TRPM3: variants seen among roughly 807,000 people sequenced by gnomAD.
The protein encoded by TRPM3 is long transient receptor potential channel 3.
In TRPM3, 77 loss-of-function variants were observed where a neutral mutation model predicts 181.2. The observed-to-expected ratio is 0.42, with a 90% CI of 0.35 to 0.51. The LOEUF (loss-of-function observed/expected upper bound fraction) is 0.51, where lower values mean the gene tolerates loss of function less well. TRPM3 is among the 20% of genes least tolerant of loss of function. TRPM3 has a pLI of 0.01. For missense variants in TRPM3, 1,759 were observed against 2,196.7 expected (o/e 0.80, Z 3.98); for synonymous variants, 745 against 796.4 (o/e 0.94, Z 1.09).
intron 9 of TRPM3, among the ~76,000 whole-genome samples, chr9:70,650,715 G>A (rs537697219): frequency 4.6e-5 from 7 of 151,242 alleles, no homozygotes; most frequent in East Asian, 1.9e-4. Flanking sequence ...ATTTTTGTTC[G>A]CATTTCTATC....
In TRPM3 at chr9:71,042,429, G is replaced by A. The variant is rs527698856; in HGVS notation, c.177+78749C>T. 5.1e-4 allele frequency among the ~76,000 whole-genome samples: 77 copies of A among 151,990 alleles called. 1 individual carries two copies. The highest frequency in any genetic ancestry group is 1.4e-3 in the African/African-American group (60 of 41,524). ...ATTTTGTCTTGTCACCAAAATAGAT[G>A]GCATTTACATGAAGAACGGAATGTA... On this transcript the variant is annotated intron_variant, in intron 1 of 25. Transcript: ENST00000677713.
chr9:71,039,152 C>T (rs564295938), intron 1 of TRPM3, among the ~76,000 whole-genome samples: 165 of 152,266 alleles, frequency 1.1e-3, no homozygotes, highest in African/African-American at 3.9e-3. Flanking sequence ...GTGTGGTCAG[C>T]GTGGTGTATG....
chr9:70,873,716 T>A (rs2095828429), intron 1 of TRPM3, among the ~76,000 whole-genome samples: 1 of 151,976 alleles, frequency 6.6e-6, no homozygotes, highest in East Asian at 1.9e-4. Context: ...TCCTCTTCCC[T>A]ATTTTGGTCA....
intron 5 of TRPM3, among the ~76,000 whole-genome samples, chr9:70,833,834 G>T (rs2094120602): frequency 6.6e-6 from 1 of 152,156 alleles, no homozygotes; most frequent in African/African-American, 2.4e-5. Flanking sequence ...GCAGCAAAAT[G>T]GCATTGTGCT....
At chr9:70,593,715 T>A (rs1317567940) in intron 21 of TRPM3, among the ~76,000 whole-genome samples, 2 of 152,048 alleles carry the variant, frequency 1.3e-5, no homozygotes, top group Non-Finnish European at 2.9e-5. Context: ...AGAGCATTAT[T>A]AGTGAGAACT....
At chr9:71,290,334 A>C (rs529232719) in intron 1 of TRPM3, among the ~76,000 whole-genome samples, 6 of 152,146 alleles carry the variant, frequency 3.9e-5, no homozygotes, top group Non-Finnish European at 7.4e-5. Context: ...AAAGATATTA[A>C]AATTGGCAAA....
chr9:70,984,683 G>A (rs1487764833), intron 1 of TRPM3, among the ~76,000 whole-genome samples: 1 of 152,202 alleles, frequency 6.6e-6, no homozygotes, highest in African/African-American at 2.4e-5. Flanking sequence ...GACAAGGAAT[G>A]CTGTCCCACT....
chr9:71,192,890 T>C (rs1174587921), intron 1 of TRPM3, among the ~76,000 whole-genome samples: 4 of 151,868 alleles, frequency 2.6e-5, no homozygotes. Flanking sequence ...GATGGATATA[T>C]TAACCAGCTT....
rs562674442 is a variant in TRPM3 at position 70,529,412 on chromosome 9, C to T, written c.*6541G>A. 3.9e-5 allele frequency: 6 copies of T among 152,204 alleles called. No homozygotes were observed. The highest frequency in any genetic ancestry group is 3.9e-4 in the East Asian group (2 of 5,176). The allele number at this position is 152,204 out of a possible 1,614,324, so 9.4% of individuals were successfully genotyped here. A position where few individuals can be genotyped will look rare whatever the true frequency, so the allele number is the denominator to read the frequency against. On this transcript the variant is annotated 3_prime_UTR_variant, in exon 26 of 26. Coordinates refer to ENST00000677713, the MANE Select transcript of TRPM3 (RefSeq NM_001366145.2). ...CCCCCATTATAAACTAGGGTTAGAACGTTTACAAATGAGAGTCTAGGTCCT... is the reference window on the plus strand; with the variant it reads ...CCCCCATTATAAACTAGGGTTAGAATGTTTACAAATGAGAGTCTAGGTCCT...
At chr9:71,247,158 A>C (rs2082077573) in intron 1 of TRPM3, among the ~76,000 whole-genome samples, 1 of 152,122 alleles carries the variant, frequency 6.6e-6, no homozygotes, top group African/African-American at 2.4e-5. Flanking sequence ...CCACCTGACC[A>C]GCCTGACCAA....
chr9:70,835,869 C>T (rs2094287105), intron 5 of TRPM3, among the ~76,000 whole-genome samples: 1 of 152,022 alleles, frequency 6.6e-6, no homozygotes, highest in Non-Finnish European at 1.5e-5. Context: ...GTCTAGGGAG[C>T]TAGGTGGCCT....
intron 1 of TRPM3, among the ~76,000 whole-genome samples, chr9:71,129,781 T>C (rs2074261871): frequency 6.6e-6 from 1 of 152,174 alleles, no homozygotes; most frequent in Non-Finnish European, 1.5e-5. Flanking sequence ...GACCCTAACT[T>C]ATCTAACCTA....
rs78039931 is a variant in TRPM3, at chr9:70,594,426, C to T, written c.3049-3221G>A. On this transcript the variant is annotated intron_variant, in intron 21 of 25. Coordinates refer to ENST00000677713, the MANE Select transcript of TRPM3 (RefSeq NM_001366145.2). Reference sequence around the variant, plus strand: ...AAACACAGATATGAAAACCTATTTCCGAGGGGGTATGATGATGACATGTCT... The same window carrying T: ...AAACACAGATATGAAAACCTATTTCTGAGGGGGTATGATGATGACATGTCT... Among the ~76,000 whole-genome samples, 27 of 152,050 alleles carry T rather than the reference C, an allele frequency of 1.8e-4. No individual in the cohort carries two copies. In the East Asian group the frequency reaches 4.1e-3, roughly 23 times the overall value.
At chr9:71,379,292 A>C (rs2092737442) in intron 1 of TRPM3, among the ~76,000 whole-genome samples, 2 of 152,100 alleles carry the variant, frequency 1.3e-5, no homozygotes, top group South Asian at 4.1e-4. Context: ...ACTTGGAACC[A>C]TACTTTAAAT....
chr9:71,059,817 G>T (rs568401123), intron 1 of TRPM3, among the ~76,000 whole-genome samples: 2 of 151,884 alleles, frequency 1.3e-5, no homozygotes, highest in Admixed American at 6.6e-5. Context: ...CAAATTATAC[G>T]AGCCAATCCC....
At chr9:71,371,242 G>T (rs1353897929) in intron 1 of TRPM3, among the ~76,000 whole-genome samples, 2 of 152,106 alleles carry the variant, frequency 1.3e-5, no homozygotes, top group Non-Finnish European at 2.9e-5. Context: ...TATTATTGAA[G>T]GAATACATTT....
chr9:70,997,059 G>T (rs1360498521), intron 1 of TRPM3, among the ~76,000 whole-genome samples: 1 of 152,164 alleles, frequency 6.6e-6, no homozygotes, highest in African/African-American at 2.4e-5. Flanking sequence ...TTTGTTGCTC[G>T]CATCTTGAGA....
chr9:71,041,097 G>A (rs1396345165), intron 1 of TRPM3, among the ~76,000 whole-genome samples: 3 of 152,184 alleles, frequency 2.0e-5, no homozygotes, highest in Non-Finnish European at 4.4e-5. Flanking sequence ...CACTGTACTA[G>A]TGTTAGGAAA....
chr9:70,818,520 G>A (rs758602531), intron 6 of TRPM3, among the ~76,000 whole-genome samples: 7 of 152,118 alleles, frequency 4.6e-5, no homozygotes, highest in East Asian at 1.9e-4. Flanking sequence ...ATTTCTCTGC[G>A]CATCAAGGAC....
Sources: gnomAD v4.1 joint callset for allele counts (sites outside exome capture counted in the v4.1 genomes callset) on GRCh38, gnomAD v4.1.1 for gene constraint, MANE v1.5 for transcripts, NCBI Gene and HGNC (gene_info 2026-07-23, HGNC 2026-07-21) for gene names.